The following TBC1D8B variants were observed in gnomAD, a reference collection of about 807,000 sequenced individuals.
The protein encoded by TBC1D8B is TBC1 domain family member 8B.
In TBC1D8B, 75 loss-of-function variants were observed where a neutral mutation model predicts 82.9. The ratio of observed to expected loss-of-function variants is 0.90; its 90% confidence interval spans 0.75 to 1.10. The LOEUF (loss-of-function observed/expected upper bound fraction) is 1.10. TBC1D8B is among the 50% of genes least tolerant of loss of function. TBC1D8B has a pLI of 0.00. For missense variants in TBC1D8B, 794 were observed against 796.9 expected, an observed-to-expected ratio of 1.00 and a Z score of 0.04; for synonymous variants, 276 against 276.8, an observed-to-expected ratio of 1.00 and a Z score of 0.03.
chrX:106,834,792 C>T (rs1008841193), intron 7 of TBC1D8B, among the ~76,000 whole-genome samples: 5 of 112,101 alleles, frequency 4.5e-5, no homozygotes, highest in African/African-American at 1.6e-4. Context: ...CTGAAATGGT[C>T]TCCTTTGACT....
chrX:106,873,999 C>T lies in TBC1D8B; in HGVS notation c.*34C>T. On this transcript the variant is annotated 3_prime_UTR_variant, in exon 21 of 21. Coordinates refer to ENST00000357242, the MANE Select transcript of TBC1D8B (RefSeq NM_017752.3). ...GAATTGCCTATCATAGACAAGTTTA[C>T]TAACATTCCTGTAGCTGTCAGTTTG... 3 of 1,139,193 alleles carry T rather than the reference C, an allele frequency of 2.6e-6. No homozygotes were observed. The allele number at this position is 1,139,193 out of a possible 1,213,427, so 93.9% of individuals were successfully genotyped here. A position where few individuals can be genotyped will look rare whatever the true frequency, so the allele number is the denominator to read the frequency against.
rs754467229 is a variant in TBC1D8B at position 106,840,205 on chromosome X, C to A, written c.1504+7C>A. ...CTCTGGATGCTTTTTTCAGGTATTACGTTTATTCATTGTATTTATTTAATA... is the reference window on the plus strand; with the variant it reads ...CTCTGGATGCTTTTTTCAGGTATTAAGTTTATTCATTGTATTTATTTAATA... On this transcript the variant is annotated splice_region_variant and intron_variant, in intron 9 of 20. Coordinates refer to ENST00000357242, the MANE Select transcript of TBC1D8B (RefSeq NM_017752.3). The A allele has an allele frequency of 1.7e-6, 2 of 1,197,450 alleles. No homozygotes were observed. The highest frequency in any genetic ancestry group is 2.3e-6 in the Non-Finnish European group (2 of 887,190).
At chrX:106,836,291 A>G (rs1932174548) in intron 7 of TBC1D8B, among the ~76,000 whole-genome samples, 1 of 111,618 alleles carries the variant, frequency 9.0e-6, no homozygotes, top group Admixed American at 9.5e-5. Context: ...TCATGAGAAC[A>G]GCATGAGGTA....
At position 106,870,353 on chromosome X, in the gene TBC1D8B, A is replaced by G. The variant is rs1327617576; in HGVS notation, c.2870-363A>G. On this transcript the variant is annotated intron_variant, in intron 19 of 20. Transcript: ENST00000357242. ...GCCCACTTTGGAACAATATATGCATATTAAGAACATAATATAGAAGCTGTT... is the reference window on the plus strand; with the variant it reads ...GCCCACTTTGGAACAATATATGCATGTTAAGAACATAATATAGAAGCTGTT... Among the ~76,000 whole-genome samples the G allele has an allele frequency of 4.4e-5, 5 of 112,516 alleles. No individual in the cohort carries two copies. In the East Asian group the frequency reaches 1.4e-3, roughly 31 times the overall value.
chrX:106,824,190 C>A (rs1324327980), intron 5 of TBC1D8B, among the ~76,000 whole-genome samples: 2 of 111,152 alleles, frequency 1.8e-5, no homozygotes, highest in Non-Finnish European at 3.8e-5. Flanking sequence ...AATGAGCATG[C>A]CAAAGGGGAA....
intron 7 of TBC1D8B, among the ~76,000 whole-genome samples, chrX:106,833,287 G>T (rs1217825348): frequency 9.0e-6 from 1 of 111,681 alleles, no homozygotes; most frequent in Admixed American, 9.5e-5. Context: ...AAGAATACCT[G>T]CTATAGAGTT....
chrX:106,852,277 G>A (rs1465758969), intron 12 of TBC1D8B, among the ~76,000 whole-genome samples: 1 of 101,061 alleles, frequency 9.9e-6, no homozygotes, highest in Non-Finnish European at 2.0e-5. Flanking sequence ...TTTTTTTCTT[G>A]TAAATTTGTT....
Position 106,822,161 on chromosome X carries a change from C to T in TBC1D8B, c.545C>T (p.Thr182Ile). Residue 182 changes from threonine (T) to isoleucine (I), a missense_variant, in exon 4 of 21, where the codon ACC becomes ATC. Physicochemically the swap from Thr to Ile is moderately conservative, Grantham distance 89. Coordinates refer to ENST00000357242, the MANE Select transcript of TBC1D8B (RefSeq NM_017752.3). ...VPCQGWLYLS[T>I]NFLSFYSFLL... The stretch of plus-strand genomic sequence containing the variant: ...TGTCAGGGTTGGCTTTATCTTAGCA[C>T]CAACTTTCTGAGCTTCTATTCTTTT... The T allele has an allele frequency of 8.3e-7, 1 of 1,207,255 alleles. No homozygotes were observed. Among genetic ancestry groups the T allele is most frequent in the Non-Finnish European group, 1.1e-6 (1 of 893,880 alleles).
chrX:106,811,754 T>C (rs771895996), intron 1 of TBC1D8B, among the ~76,000 whole-genome samples: 2 of 111,930 alleles, frequency 1.8e-5, no homozygotes, highest in African/African-American at 6.5e-5. Flanking sequence ...TTCTGAGGGT[T>C]ACTCTTTTTG....
At chrX:106,822,340 T>A in intron 4 of TBC1D8B, 138 bp downstream of exon 4, 1 of 508,008 alleles carries the variant, frequency 2.0e-6, no homozygotes, top group Non-Finnish European at 3.1e-6. Context: ...TTATTTCATC[T>A]AGGGAAAGAA....
intron 7 of TBC1D8B, chrX:106,830,137 T>C (rs1194115049): frequency 8.9e-6 from 1 of 111,805 alleles, no homozygotes; most frequent in Non-Finnish European, 1.9e-5. Flanking sequence ...GGGCGAGGGA[T>C]ATGAACAGAC....
At chrX:106,849,156 A>G in intron 11 of TBC1D8B, 1 of 847,804 alleles carries the variant, frequency 1.2e-6, no homozygotes, top group East Asian at 3.6e-5. Flanking sequence ...TTTGTACCGT[A>G]ATAGGCTTTC....
chrX:106,833,771 G>T (rs1158529439), intron 7 of TBC1D8B, among the ~76,000 whole-genome samples: 1 of 109,689 alleles, frequency 9.1e-6, no homozygotes, highest in Non-Finnish European at 1.9e-5. Flanking sequence ...TTTCCCTCTG[G>T]GATACTTTTC....
intron 18 of TBC1D8B, among the ~76,000 whole-genome samples, chrX:106,869,099 A>T (rs1932831576): frequency 8.9e-6 from 1 of 111,834 alleles, no homozygotes; most frequent in South Asian, 3.8e-4. Context: ...GACTTGTGCA[A>T]GGTTTCACAG....
At chrX:106,821,936 G>T in intron 3 of TBC1D8B, 41 bp from the exon 4 acceptor site, 1 of 1,056,196 alleles carries the variant, frequency 9.5e-7, no homozygotes, top group Non-Finnish European at 1.3e-6. Flanking sequence ...TATTTTTGTT[G>T]GTAGGTGATG....
chrX:106,811,105 A>G (rs778167233), intron 1 of TBC1D8B, among the ~76,000 whole-genome samples: 1 of 112,334 alleles, frequency 8.9e-6, no homozygotes, highest in South Asian at 3.7e-4. Context: ...ATGCAAAGAG[A>G]TCTTTAAAGG....
rs750871435 is a variant in TBC1D8B at position 106,812,324 on chromosome X, T to C, written c.131-6339T>C. Among the ~76,000 whole-genome samples, 116 of 112,210 alleles carry C rather than the reference T, an allele frequency of 1.0e-3. No individual in the cohort carries two copies. In the South Asian group the frequency reaches 0.017, roughly 16 times the overall value. ...AATTAGTTTGTTTATTAACATATAATGAAACTAAGTTCAGTAAAGTTGTAC... is the reference window on the plus strand; with the variant it reads ...AATTAGTTTGTTTATTAACATATAACGAAACTAAGTTCAGTAAAGTTGTAC... On this transcript the variant is annotated intron_variant, in intron 1 of 20. Transcript: ENST00000357242.
chrX:106,816,793 T>C (rs1196225828), intron 1 of TBC1D8B, among the ~76,000 whole-genome samples: 2 of 111,312 alleles, frequency 1.8e-5, no homozygotes, highest in Non-Finnish European at 3.8e-5. Context: ...TATCAATTCC[T>C]GTATCTACTC....
chrX:106,842,611 CTAT>C (rs1932337358), intron 10 of TBC1D8B, among the ~76,000 whole-genome samples: 1 of 83,950 alleles, frequency 1.2e-5, no homozygotes, highest in African/African-American at 7.7e-5. Flanking sequence ...CTCTATCTAT[CTAT>C]CTATCTATCT....
Sources: gnomAD v4.1 joint callset for allele counts (sites outside exome capture counted in the v4.1 genomes callset) on GRCh38, gnomAD v4.1.1 for gene constraint, MANE v1.5 for transcripts, NCBI Gene and HGNC (gene_info 2026-07-23, HGNC 2026-07-21) for gene names.